The following MYO10 variants were observed in gnomAD, a reference collection of about 807,000 sequenced individuals.
MYO10 encodes unconventional myosin-X.
Under a neutral mutation model 257.3 loss-of-function variants are expected in MYO10, and 133 were observed. That is an observed-to-expected ratio of 0.52 (90% CI 0.45 to 0.60). MYO10 has a LOEUF of 0.60. MYO10 is among the 20% of genes least tolerant of loss of function. The pLI, the probability that MYO10 is intolerant of heterozygous loss-of-function variation, is 0.00. For synonymous variants in MYO10, 1,104 were observed against 1,028.6 expected (o/e 1.07, Z -1.40); for missense variants, 2,399 against 2,635.7 (o/e 0.91, Z 1.97).
At chr5:16,759,122 CAT>C (rs1184450595) in intron 17 of MYO10, among the ~76,000 whole-genome samples, 18 of 152,154 alleles carry the variant, frequency 1.2e-4, no homozygotes, top group African/African-American at 4.3e-4. Context: ...AGGGTTTCAC[CAT>C]GTTGGCCAGG....
At chr5:16,815,319 A>G in intron 3 of MYO10, 1 of 635,930 alleles carries the variant, frequency 1.6e-6, no homozygotes, top group South Asian at 1.9e-5. Context: ...TGTACTGGTT[A>G]AGCATAATTT....
Position 16,832,091 on chromosome 5 carries a change from C to CTGGGACTACA in MYO10, c.121-13925_121-13924insTGTAGTCCCA, listed in dbSNP as rs529174353. Among the ~76,000 whole-genome samples the CTGGGACTACA allele has an allele frequency of 1.4e-3, 212 of 152,180 alleles. 3 individuals carry two copies. The South Asian group carries it at 0.02, about 14-fold the overall frequency. ...CCAACCAGGTAGCTGGGACTACAGG[C>CTGGGACTACA]GCATGCCACCACGCCCTGCTAATTT... On this transcript the variant is annotated intron_variant, in intron 2 of 40. Coordinates refer to ENST00000513610, the MANE Select transcript of MYO10 (RefSeq NM_012334.3).
chr5:16,761,201 G>C (rs1311085966), intron 17 of MYO10, among the ~76,000 whole-genome samples: 2 of 152,106 alleles, frequency 1.3e-5, no homozygotes, highest in Non-Finnish European at 2.9e-5. Flanking sequence ...ATGTTGGCCA[G>C]GCTGGTCTCA....
At chr5:16,667,596 T>C (rs1408970087) in intron 40 of MYO10, among the ~76,000 whole-genome samples, 1 of 151,908 alleles carries the variant, frequency 6.6e-6, no homozygotes, top group Non-Finnish European at 1.5e-5. Context: ...CTCTTCCCTC[T>C]CACTGCACGA....
At chr5:16,767,478 A>C (rs1346529020) in intron 10 of MYO10, among the ~76,000 whole-genome samples, 2 of 152,088 alleles carry the variant, frequency 1.3e-5, no homozygotes, top group Non-Finnish European at 2.9e-5. Context: ...CCAGCCCCCA[A>C]CTGTCTTTCA....
chr5:16,872,606 G>T (rs1446253059), intron 2 of MYO10, among the ~76,000 whole-genome samples: 1 of 152,168 alleles, frequency 6.6e-6, no homozygotes, highest in Admixed American at 6.5e-5. Flanking sequence ...AATTCAATAA[G>T]AAAGGGAAAG....
intron 2 of MYO10, among the ~76,000 whole-genome samples, chr5:16,829,420 A>G (rs1403397816): frequency 2.6e-5 from 4 of 152,032 alleles, no homozygotes; most frequent in Non-Finnish European, 5.9e-5. Flanking sequence ...TTCAACAGAA[A>G]CTCCACAGGA....
chr5:16,885,224 T>C (rs1580114082), intron 1 of MYO10, among the ~76,000 whole-genome samples: 2 of 152,042 alleles, frequency 1.3e-5, no homozygotes, highest in East Asian at 3.9e-4. Flanking sequence ...AGCCGACTTT[T>C]AATGCAGATT....
At chr5:16,792,584 G>C (rs1222388453) in intron 4 of MYO10, among the ~76,000 whole-genome samples, 2 of 56,114 alleles carry the variant, frequency 3.6e-5, no homozygotes, top group South Asian at 6.6e-4. Flanking sequence ...CCACAGGAGC[G>C]GGGGGCGGGG....
chr5:16,845,737 G>A (rs1389926867), intron 2 of MYO10, among the ~76,000 whole-genome samples: 1 of 151,986 alleles, frequency 6.6e-6, no homozygotes, highest in Admixed American at 6.6e-5. Flanking sequence ...AGGCCGAGGC[G>A]GGTGGATCAC....
intron 19 of MYO10, among the ~76,000 whole-genome samples, chr5:16,738,812 A>G (rs142222488): frequency 0.01 from 1,532 of 151,176 alleles, 20 homozygotes; most frequent in African/African-American, 0.034. Flanking sequence ...AATTGCATGA[A>G]CCTAGGAGGC....
intron 4 of MYO10, among the ~76,000 whole-genome samples, chr5:16,787,347 T>A (rs1339555300): frequency 6.6e-6 from 1 of 152,096 alleles, no homozygotes; most frequent in African/African-American, 2.4e-5. Context: ...TATAATTAAA[T>A]AACTCACAAA....
intron 4 of MYO10, among the ~76,000 whole-genome samples, chr5:16,786,236 T>C (rs548912746): frequency 6.6e-6 from 1 of 152,208 alleles, no homozygotes; most frequent in African/African-American, 2.4e-5. Context: ...AATACAATTA[T>C]GGAGAAGATA....
chr5:16,770,799 C>G (rs11948537), intron 9 of MYO10, among the ~76,000 whole-genome samples: 1 of 152,202 alleles, frequency 6.6e-6, no homozygotes, highest in South Asian at 2.1e-4. Flanking sequence ...GATGGAGTTT[C>G]GCTGTTTCGC....
At chr5:16,889,155 A>G (rs1165999906) in intron 1 of MYO10, among the ~76,000 whole-genome samples, 1 of 151,008 alleles carries the variant, frequency 6.6e-6, no homozygotes, top group Middle Eastern at 3.2e-3. Context: ...CCTGGGTGAC[A>G]GGGCAAGACC....
rs1369836624 is a variant in MYO10 at position 16,747,924 on chromosome 5, AAAAAAAAAAAAAAAAAAAAAAAG to A, written c.1929+6881_1929+6903del. 3.6e-3 allele frequency among the ~76,000 whole-genome samples: 431 copies of A among 120,916 alleles called. 2 individuals are homozygous for A. Among genetic ancestry groups the A allele is most frequent in the African/African-American group, 0.023 (409 of 17,410 alleles). 79.3% of individuals were successfully genotyped at this position (120,916 alleles called of 152,430 possible). On this transcript the variant is annotated intron_variant, in intron 19 of 40. Coordinates refer to ENST00000513610, the MANE Select transcript of MYO10 (RefSeq NM_012334.3). ...ACAGAGCGAAACTCCGTCTCAAAAA[AAAAAAAAAAAAAAAAAAAAAAAG>A]AAAAAAAAAAAGATACAGGAAGAAA...
rs180834484 is a variant in MYO10 at position 16,665,559 on chromosome 5, C to G, written c.*1133G>C. The G allele has an allele frequency of 6.6e-6, 1 of 152,288 alleles. No individual in the cohort carries two copies. The highest frequency in any genetic ancestry group is 6.5e-5 in the Admixed American group (1 of 15,290). 9.4% of individuals were successfully genotyped at this position (152,288 alleles called of 1,614,324 possible). On this transcript the variant is annotated 3_prime_UTR_variant, in exon 41 of 41. Transcript: ENST00000513610. ...GGATAAAATATGTGTGTATTAAAGC[C>G]TCAGCATTTAATGTCAGGGTCCTTT...
intron 21 of MYO10, among the ~76,000 whole-genome samples, chr5:16,708,278 A>C (rs1738434346): frequency 6.6e-6 from 1 of 152,060 alleles, no homozygotes; most frequent in Admixed American, 6.5e-5. Context: ...CTGTTTCCTT[A>C]CTCCTTTAAA....
rs1363035367 is a variant in MYO10, at chr5:16,762,683, G to A, written c.1495-46C>T. 12 of 1,390,682 alleles carry A rather than the reference G, an allele frequency of 8.6e-6. No individual in the cohort carries two copies. The African/African-American group carries it at 1.7e-4, about 20-fold the overall frequency. 86.1% of individuals were successfully genotyped at this position (1,390,682 alleles called of 1,614,324 possible). A position where few individuals can be genotyped will look rare whatever the true frequency, so the allele number is the denominator to read the frequency against. ...AATGAATTAAAAGTTGAATGTGGCT[G>A]GGTGCATGGGTAGCTCATGCCTGTA... is the stretch of plus-strand genomic sequence containing the variant. On this transcript the variant is annotated intron_variant, in intron 14 of 40. Transcript: ENST00000513610.
Sources: gnomAD v4.1 joint callset for allele counts (sites outside exome capture counted in the v4.1 genomes callset) on GRCh38, gnomAD v4.1.1 for gene constraint, MANE v1.5 for transcripts, NCBI Gene and HGNC (gene_info 2026-07-23, HGNC 2026-07-21) for gene names.